The following CDH18 variants were observed in gnomAD, a reference collection of about 807,000 sequenced individuals.
CDH18 encodes cadherin-18.
CDH18 carries 31 observed loss-of-function variants against 67.9 expected under a neutral mutation model. That is an observed-to-expected ratio of 0.46 (90% CI 0.34 to 0.62). The LOEUF (loss-of-function observed/expected upper bound fraction) is 0.62. CDH18 is among the 20% of genes least tolerant of loss of function. The pLI is 0.01. For missense variants in CDH18, 890 were observed against 975.5 expected (o/e 0.91, Z 1.17); for synonymous variants, 362 against 347.2 (o/e 1.04, Z -0.48).
chr5:19,887,138 ATTTG>A (rs945443638), intron 2 of CDH18, among the ~76,000 whole-genome samples: 2 of 151,062 alleles, frequency 1.3e-5, no homozygotes, highest in African/African-American at 4.9e-5. Context: ...ATGGCTAAAA[ATTTG>A]TTTTTTTGTT....
chr5:20,216,416 G>T (rs1286632819), intron 2 of CDH18, among the ~76,000 whole-genome samples: 1 of 151,886 alleles, frequency 6.6e-6, no homozygotes, highest in African/African-American at 2.4e-5. Context: ...AAATATTACT[G>T]TTGCTTCCAA....
At chr5:19,644,336 C>T (rs1754440609) in intron 5 of CDH18, among the ~76,000 whole-genome samples, 1 of 151,924 alleles carries the variant, frequency 6.6e-6, no homozygotes, top group Non-Finnish European at 1.5e-5. Flanking sequence ...TGGTCTGTGT[C>T]GCAAGAAGCA....
rs528746545 is a variant in CDH18, at chr5:19,848,796, A to G, written c.-256-9554T>C. Among the ~76,000 whole-genome samples the G allele has an allele frequency of 4.6e-5, 7 of 151,266 alleles. No individual in the cohort carries two copies. In the East Asian group the frequency reaches 1.4e-3, roughly 29 times the overall value. ...AAGATGATAGCATATAAAATGCTAT[A>G]CATATATATCATATAAAATGCTATA... On this transcript the variant is annotated intron_variant, in intron 2 of 12. Transcript: ENST00000382275.
chr5:20,386,306 C>G (rs1744307475), intron 1 of CDH18, among the ~76,000 whole-genome samples: 1 of 152,120 alleles, frequency 6.6e-6, no homozygotes, highest in Non-Finnish European at 1.5e-5. Context: ...TGCGATTTGC[C>G]ACATAATTGG....
chr5:20,061,004 A>G (rs1561758169), intron 2 of CDH18, among the ~76,000 whole-genome samples: 1 of 152,022 alleles, frequency 6.6e-6, no homozygotes, highest in Non-Finnish European at 1.5e-5. Flanking sequence ...CAGAGATTCA[A>G]TACTTAGGAA....
In CDH18 at chr5:19,869,133, C is replaced by T. The variant is rs778765563; in HGVS notation, c.-256-29891G>A. 2.0e-5 allele frequency among the ~76,000 whole-genome samples: 3 copies of T among 152,002 alleles called. No homozygotes were observed. The South Asian group carries it at 6.2e-4, about 32-fold the overall frequency. On this transcript the variant is annotated intron_variant, in intron 2 of 12. Coordinates refer to ENST00000382275, the MANE Select transcript of CDH18 (RefSeq NM_004934.5). ...ACTGTGCCATATGCACACTAGAATG[C>T]CTTCTTAGTTTCTGAAGATATGCAG...
intron 2 of CDH18, among the ~76,000 whole-genome samples, chr5:19,945,049 C>T (rs1795165602): frequency 6.6e-6 from 1 of 152,016 alleles, no homozygotes; most frequent in Non-Finnish European, 1.5e-5. Context: ...AATCTCTGCT[C>T]CACATTCATG....
chr5:19,670,736 A>T (rs554538088), intron 5 of CDH18, among the ~76,000 whole-genome samples: 7 of 152,200 alleles, frequency 4.6e-5, no homozygotes, highest in Admixed American at 3.3e-4. Flanking sequence ...GAACGACAAG[A>T]TCAACTGGGG....
intron 1 of CDH18, among the ~76,000 whole-genome samples, chr5:20,395,043 A>G (rs969131861): frequency 2.0e-5 from 3 of 152,208 alleles, no homozygotes; most frequent in African/African-American, 7.2e-5. Context: ...GATTTCTCAA[A>G]GAACTAAAAG....
chr5:20,385,202 G>A (rs563899157), intron 1 of CDH18, among the ~76,000 whole-genome samples: 6 of 152,078 alleles, frequency 3.9e-5, no homozygotes, highest in South Asian at 2.1e-4. Context: ...GCATTTAATC[G>A]AGAAATCCAT....
intron 11 of CDH18, among the ~76,000 whole-genome samples, chr5:19,500,376 T>C (rs1349221944): frequency 6.6e-6 from 1 of 152,188 alleles, no homozygotes; most frequent in African/African-American, 2.4e-5. Flanking sequence ...ATGGTATTAT[T>C]AAATCTACCA....
intron 2 of CDH18, among the ~76,000 whole-genome samples, chr5:20,163,154 A>G (rs1251143352): frequency 6.6e-6 from 1 of 151,890 alleles, no homozygotes; most frequent in Non-Finnish European, 1.5e-5. Context: ...TGCTTCATCT[A>G]TTTCTTGAGG....
intron 6 of CDH18, among the ~76,000 whole-genome samples, chr5:19,611,770 A>G (rs187796317): frequency 3.3e-5 from 5 of 152,248 alleles, no homozygotes; most frequent in African/African-American, 9.6e-5. Flanking sequence ...ATATATTATA[A>G]TTATATCCTT....
rs1341618827 is a variant in CDH18 at position 20,333,912 on chromosome 5, T to C, written c.-579-78407A>G. On this transcript the variant is annotated intron_variant, in intron 1 of 14. Transcript: ENST00000507958. ...GGGCTAAAAAGACATAAGTTATTCCTATCATAAGTAACTATTTAATTTATA... is the reference window on the plus strand; with the variant it reads ...GGGCTAAAAAGACATAAGTTATTCCCATCATAAGTAACTATTTAATTTATA... Among the ~76,000 whole-genome samples, 3 of 152,070 alleles carry C rather than the reference T, an allele frequency of 2.0e-5. No homozygotes were observed. The East Asian group carries it at 5.8e-4, about 29-fold the overall frequency.
chr5:20,151,005 T>A (rs950409203), intron 2 of CDH18, among the ~76,000 whole-genome samples: 1 of 152,068 alleles, frequency 6.6e-6, no homozygotes, highest in African/African-American at 2.4e-5. Context: ...AAGTCAACAA[T>A]TTCATTTTTT....
At chr5:20,281,729 T>C (rs1746293960) in intron 1 of CDH18, among the ~76,000 whole-genome samples, 1 of 152,188 alleles carries the variant, frequency 6.6e-6, no homozygotes, top group Admixed American at 6.5e-5. Context: ...AAATAGTTTT[T>C]TTCCAATTCT....
chr5:19,831,293 T>A (rs933615030), intron 3 of CDH18, among the ~76,000 whole-genome samples: 3 of 152,020 alleles, frequency 2.0e-5, no homozygotes, highest in Admixed American at 1.3e-4. Context: ...CTAAAGAGCT[T>A]CTGCACAACA....
chr5:20,200,182 T>C (rs537050779), intron 2 of CDH18, among the ~76,000 whole-genome samples: 4 of 152,222 alleles, frequency 2.6e-5, no homozygotes, highest in Non-Finnish European at 2.9e-5. Flanking sequence ...ATTATCCTTT[T>C]TGTACTTTTC....
chr5:19,708,313 G>C (rs1267338137), intron 5 of CDH18, among the ~76,000 whole-genome samples: 1 of 152,156 alleles, frequency 6.6e-6, no homozygotes, highest in African/African-American at 2.4e-5. Flanking sequence ...AACACCTGGA[G>C]GCTCTGTGAT....
Sources: allele counts gnomAD v4.1 joint callset (sites outside exome capture counted in the v4.1 genomes callset), GRCh38; gene constraint gnomAD v4.1.1; transcripts MANE v1.5; gene names NCBI Gene and HGNC (gene_info 2026-07-23, HGNC 2026-07-21).